PDZD8: variants seen among roughly 807,000 people sequenced by gnomAD.
PDZD8 encodes the protein PDZ domain-containing protein 8.
PDZD8 carries 14 observed loss-of-function variants against 85.8 expected under a neutral mutation model. The observed-to-expected ratio is 0.16, with a 90% CI of 0.11 to 0.26. The LOEUF (loss-of-function observed/expected upper bound fraction) is 0.26, where lower values mean the gene tolerates loss of function less well. Ranked by LOEUF, PDZD8 falls within the 10% of genes least tolerant of loss-of-function variation. The probability of loss-of-function intolerance (pLI) is 1.00; values close to 1 mark genes in which losing one functional copy is unlikely to be tolerated. For missense variants in PDZD8, 1,197 were observed against 1,424.3 expected (o/e 0.84, Z 2.57); for synonymous variants, 592 against 568.6 (o/e 1.04, Z -0.59).
At chr10:117,289,373 G>A (rs1844718508) in intron 4 of PDZD8, among the ~76,000 whole-genome samples, 1 of 152,180 alleles carries the variant, frequency 6.6e-6, no homozygotes, top group South Asian at 2.1e-4. Context: ...CTTATTTATT[G>A]TCTAAGCTGT....
At chr10:117,370,088 G>A (rs1055522466) in intron 1 of PDZD8, among the ~76,000 whole-genome samples, 1 of 152,078 alleles carries the variant, frequency 6.6e-6, no homozygotes, top group Non-Finnish European at 1.5e-5. Flanking sequence ...GATGGATTCT[G>A]AGGTTCATTT....
At chr10:117,358,442 ATCTT>A (rs1334060915) in intron 1 of PDZD8, among the ~76,000 whole-genome samples, 4 of 151,912 alleles carry the variant, frequency 2.6e-5, no homozygotes, top group African/African-American at 7.2e-5. Flanking sequence ...ACCTATAGTC[ATCTT>A]TCTTTCCCCC....
In PDZD8 at chr10:117,283,533, G is replaced by T. The variant is rs755117568; in HGVS notation, c.3200C>A (p.Thr1067Lys). The change falls in exon 5 of 5, where the codon ACA becomes AAA. Residue 1067 changes from threonine to lysine, a missense_variant. Thr to Lys is a moderately conservative substitution (Grantham distance 78). This residue lies in a region of PDZD8 where 418 missense variants were observed against 571.1 expected (regional missense o/e 0.73). Transcript: ENST00000334464. ...LVREEKETTD[T>K]RKKSLLSAAL... is the part of the protein sequence containing the mutation. ...AGCAGAAAGAAGTGATTTTTTCCTT[G>T]TATCAGTTGTCTCTTTTTCTTCTCT... 6.2e-5 allele frequency: 100 copies of T among 1,613,978 alleles called. No homozygotes were observed. The highest frequency in any genetic ancestry group is 7.9e-5 in the Non-Finnish European group (93 of 1,180,014).
chr10:117,336,439 G>C (rs1844516303), intron 2 of PDZD8, among the ~76,000 whole-genome samples: 1 of 152,154 alleles, frequency 6.6e-6, no homozygotes, highest in South Asian at 2.1e-4. Context: ...CCAACATTCA[G>C]ATCTTAGTTT....
intron 1 of PDZD8, among the ~76,000 whole-genome samples, chr10:117,349,615 C>A (rs527521893): frequency 2.2e-4 from 34 of 152,204 alleles, no homozygotes; most frequent in Admixed American, 2.1e-3. Context: ...CCAGCCTGGG[C>A]AACATAGCCA....
intron 2 of PDZD8, among the ~76,000 whole-genome samples, chr10:117,338,486 T>G (rs150100074): frequency 6.6e-6 from 1 of 152,296 alleles, no homozygotes; most frequent in African/African-American, 2.4e-5. Context: ...AATTATGTAC[T>G]CTCTAAAAAT....
At chr10:117,341,437 G>T (rs890710687) in intron 1 of PDZD8, among the ~76,000 whole-genome samples, 2 of 152,156 alleles carry the variant, frequency 1.3e-5, no homozygotes, top group Non-Finnish European at 2.9e-5. Context: ...TACGGTACAA[G>T]ATCAAAATTC....
intron 1 of PDZD8, among the ~76,000 whole-genome samples, chr10:117,364,988 G>A (rs1241599297): frequency 6.6e-6 from 1 of 151,984 alleles, no homozygotes; most frequent in Non-Finnish European, 1.5e-5. Context: ...ATATATAAGA[G>A]GCTTGTATAT....
At position 117,325,408 on chromosome 10, in the gene PDZD8, T is replaced by TTTTTTTTTTTTG. The variant is rs1844299322; in HGVS notation, c.996-6435_996-6434insCAAAAAAAAAAA. Among the ~76,000 whole-genome samples the TTTTTTTTTTTTG allele has an allele frequency of 1.5e-5, 2 of 132,598 alleles. 1 individual carries two copies. The allele number at this position is 132,598 out of a possible 152,430, so 87.0% of individuals were successfully genotyped here. On this transcript the variant is annotated intron_variant, in intron 2 of 4. Coordinates refer to ENST00000334464, the MANE Select transcript of PDZD8 (RefSeq NM_173791.5). ...CAAAAGTTCCAGAAAAGCCAACTTT[T>TTTTTTTTTTTTG]TTTTTTTTTTTTGAGACAGAGTCTA... is the stretch of plus-strand genomic sequence containing the variant.
Position 117,294,344 on chromosome 10 carries a change from A to C in PDZD8, c.1099-3996T>G, listed in dbSNP as rs1451208812. Among the ~76,000 whole-genome samples, 143 of 135,948 alleles carry C rather than the reference A, an allele frequency of 1.1e-3. 1 individual carries two copies. Among genetic ancestry groups the C allele is most frequent in the African/African-American group, 3.9e-3 (135 of 34,650 alleles). The allele number at this position is 135,948 out of a possible 152,430, so 89.2% of individuals were successfully genotyped here. On this transcript the variant is annotated intron_variant, in intron 3 of 4. Coordinates refer to ENST00000334464, the MANE Select transcript of PDZD8 (RefSeq NM_173791.5). ...CAAAAAGACAAAAAAAAAAAAAAAA[A>C]ACAAAAAAACAAATATTGACAAGGA...
rs1428504949 is a variant in PDZD8 at position 117,284,965 on chromosome 10, G to A, written c.1768C>T (p.Pro590Ser). The change falls in exon 5 of 5, where the codon CCT (proline) becomes TCT (serine). Residue 590 changes from proline to serine, a missense_variant. Pro to Ser is a moderately conservative substitution (Grantham distance 74). Transcript: ENST00000334464. Reference sequence around the variant, plus strand: ...TTCGCTTGTGGTCGTGGTGGCACAGGTGGTTTGAAAGCAGATCCTTGGGTT... The same window carrying A: ...TTCGCTTGTGGTCGTGGTGGCACAGATGGTTTGAAAGCAGATCCTTGGGTT... ...KPTQGSAFKP[P>S]VPPRPQAKVP... The A allele has an allele frequency of 3.7e-6, 6 of 1,614,162 alleles. No homozygotes were observed. Among genetic ancestry groups the A allele is most frequent in the African/African-American group, 2.7e-5 (2 of 75,020 alleles).
intron 2 of PDZD8, among the ~76,000 whole-genome samples, chr10:117,330,020 G>T (rs35666358): frequency 0.8 from 48,414 of 60,838 alleles, 19,526 homozygotes; most frequent in Non-Finnish European, 0.85. Context: ...GAGGGAGGGA[G>T]GGAGGGAAGG....
At chr10:117,312,597 T>C (rs1003006235) in intron 3 of PDZD8, among the ~76,000 whole-genome samples, 3 of 152,220 alleles carry the variant, frequency 2.0e-5, no homozygotes, top group Non-Finnish European at 4.4e-5. Flanking sequence ...AGTATTCTTT[T>C]AGCGTGAATC....
At chr10:117,338,949 C>A (rs902756124) in intron 2 of PDZD8, among the ~76,000 whole-genome samples, 5 of 151,978 alleles carry the variant, frequency 3.3e-5, no homozygotes, top group African/African-American at 1.2e-4. Context: ...AGCAAATGAA[C>A]TAGTATTTTC....
chr10:117,286,307 A>G (rs1327189412), intron 4 of PDZD8, among the ~76,000 whole-genome samples: 2 of 152,198 alleles, frequency 1.3e-5, no homozygotes, highest in East Asian at 3.8e-4. Context: ...TAGGTGTGTT[A>G]GCACTTAAAG....
intron 2 of PDZD8, among the ~76,000 whole-genome samples, chr10:117,326,416 T>C (rs1844316884): frequency 6.6e-6 from 1 of 152,226 alleles, no homozygotes. Flanking sequence ...GTGCTGTGGA[T>C]AGCTTTTCCC....
intron 3 of PDZD8, among the ~76,000 whole-genome samples, chr10:117,295,937 T>C (rs1843748282): frequency 6.6e-6 from 1 of 152,078 alleles, no homozygotes; most frequent in African/African-American, 2.4e-5. Context: ...AAGGCAAGGA[T>C]TTCTGCTCTT....
Position 117,317,056 on chromosome 10 carries a change from G to A in PDZD8, c.1098+1816C>T, listed in dbSNP as rs369071505. Among the ~76,000 whole-genome samples, 8 of 152,234 alleles carry A rather than the reference G, an allele frequency of 5.3e-5. No homozygotes were observed. The South Asian group carries it at 1.7e-3, about 32-fold the overall frequency. On this transcript the variant is annotated intron_variant, in intron 3 of 4. Transcript: ENST00000334464. ...ACTCCATGCTAACGAAGATGAAGGA[G>A]GAAGCTATGTTCCTAGATTACAGTA...
At chr10:117,328,630 A>G (rs925172342) in intron 2 of PDZD8, among the ~76,000 whole-genome samples, 8 of 151,674 alleles carry the variant, frequency 5.3e-5, no homozygotes, top group Middle Eastern at 3.4e-3. Context: ...GTTGCCTCAA[A>G]CTCTCTTACG....
Sources: allele counts gnomAD v4.1 joint callset (sites outside exome capture counted in the v4.1 genomes callset), GRCh38; gene constraint gnomAD v4.1.1; regional missense constraint gnomAD v4.1.1; transcripts MANE v1.5; gene names NCBI Gene and HGNC (gene_info 2026-07-23, HGNC 2026-07-21).